MEDAG: variants seen among roughly 807,000 people sequenced by gnomAD.
MEDAG encodes mesenteric estrogen-dependent adipogenesis protein.
A neutral mutation model predicts 29.9 loss-of-function variants in MEDAG; 25 were observed. The observed-to-expected ratio is 0.84, with a 90% CI of 0.61 to 1.17. MEDAG has a LOEUF of 1.17. Among genes scored for constraint, MEDAG ranks in the 50% most tolerant of loss-of-function variants. MEDAG has a pLI of 0.00. For missense variants in MEDAG, 398 were observed against 372.9 expected, an observed-to-expected ratio of 1.07 and a Z score of -0.56; for synonymous variants, 158 against 148.2, an observed-to-expected ratio of 1.07 and a Z score of -0.48.
In MEDAG at chr13:30,906,304, C is replaced by A. The variant is rs1952827431; in HGVS notation, c.-212C>A. ...CGCGCGGTGCCTGCAGGGCTCCCAG[C>A]GAGTGGCAGCTTGGGAGGGGCCGCC... On this transcript the variant is annotated 5_prime_UTR_variant, in exon 1 of 5. Coordinates refer to ENST00000380482, the MANE Select transcript of MEDAG (RefSeq NM_032849.4). 2 of 420,768 alleles carry A rather than the reference C, an allele frequency of 4.8e-6. No individual in the cohort carries two copies. Among genetic ancestry groups the A allele is most frequent in the Non-Finnish European group, 8.2e-6 (2 of 244,552 alleles). 26.1% of individuals were successfully genotyped at this position (420,768 alleles called of 1,614,324 possible). A position where few individuals can be genotyped will look rare whatever the true frequency, so the allele number is the denominator to read the frequency against.
At position 30,924,511 on chromosome 13, in the gene MEDAG, GTGGGAGGCAGATACTTCCACC is replaced by G; in HGVS notation, c.*79_*99del. 6.9e-7 allele frequency: 1 copy of G among 1,457,030 alleles called. No homozygotes were observed. Among genetic ancestry groups the G allele is most frequent in the Non-Finnish European group, 9.2e-7 (1 of 1,082,896 alleles). The allele number at this position is 1,457,030 out of a possible 1,614,324, so 90.3% of individuals were successfully genotyped here. On this transcript the variant is annotated 3_prime_UTR_variant, in exon 5 of 5. Transcript: ENST00000380482. Reference sequence around the variant, plus strand: ...CTATAGGCTGGGGGGAGGGTAGGAGGTGGGAGGCAGATACTTCCACCTGCGTGTCAATCTCCGGCTCCTCCA... The same window carrying G: ...CTATAGGCTGGGGGGAGGGTAGGAGGTGCGTGTCAATCTCCGGCTCCTCCA...
intron 2 of MEDAG, among the ~76,000 whole-genome samples, chr13:30,920,087 G>C (rs1461537515): frequency 6.6e-6 from 1 of 152,146 alleles, no homozygotes; most frequent in Admixed American, 6.5e-5. Flanking sequence ...GTAGCAGCAG[G>C]GAGAAGAATC....
At chr13:30,917,329 C>A (rs1952938531) in intron 1 of MEDAG, 74 bp from the exon 2 acceptor site, 2 of 891,258 alleles carry the variant, frequency 2.2e-6, no homozygotes, top group Non-Finnish European at 3.8e-6. Flanking sequence ...TGGCAGATAC[C>A]TGTCCAGTAC....
intron 4 of MEDAG, 38 bp downstream of exon 4, chr13:30,921,884 T>C: frequency 3.2e-6 from 5 of 1,545,490 alleles, no homozygotes; most frequent in Non-Finnish European, 4.3e-6. Flanking sequence ...GGAAGGTAGT[T>C]AAATAAAAGG....
intron 1 of MEDAG, among the ~76,000 whole-genome samples, chr13:30,917,106 T>A (rs1374409031): frequency 6.6e-6 from 1 of 152,214 alleles, no homozygotes; most frequent in African/African-American, 2.4e-5. Context: ...TAGCTTCAAA[T>A]GAACGCTTTT....
At chr13:30,914,589 ATACAT>A (rs1175042630) in intron 1 of MEDAG, among the ~76,000 whole-genome samples, 2 of 151,934 alleles carry the variant, frequency 1.3e-5, no homozygotes, top group African/African-American at 4.8e-5. Flanking sequence ...TGTGTAGGTC[ATACAT>A]TACACTCAAC....
intron 4 of MEDAG, among the ~76,000 whole-genome samples, chr13:30,923,500 C>T (rs554537105): frequency 2.6e-5 from 4 of 152,262 alleles, no homozygotes; most frequent in African/African-American, 9.6e-5. Flanking sequence ...CTGTTCATCT[C>T]TTCCCATGTT....
At chr13:30,914,631 T>C (rs1483557504) in intron 1 of MEDAG, among the ~76,000 whole-genome samples, 2 of 152,226 alleles carry the variant, frequency 1.3e-5, no homozygotes, top group East Asian at 1.9e-4. Flanking sequence ...GGCTTCCTTC[T>C]GTGACCATGC....
At chr13:30,913,615 T>C (rs1335585958) in intron 1 of MEDAG, among the ~76,000 whole-genome samples, 1 of 152,168 alleles carries the variant, frequency 6.6e-6, no homozygotes, top group Non-Finnish European at 1.5e-5. Flanking sequence ...GGTAAAGCAA[T>C]GAAGAAATGA....
chr13:30,917,450 C>A lies in MEDAG; in HGVS notation c.326C>A (p.Thr109Asn), dbSNP rs150419121. ...TGTGATTATAAAGACTACAGGGAAACTATATTGAGCAAACCAATGTTGTTC... is the reference window on the plus strand; with the variant it reads ...TGTGATTATAAAGACTACAGGGAAAATATATTGAGCAAACCAATGTTGTTC... Reference protein sequence around the residue: ...NYCDYKDYRETILSKPMLFFI... With the variant: ...NYCDYKDYRENILSKPMLFFI... Residue 109 changes from threonine (T) to asparagine (N), a missense_variant, in exon 2 of 5, where the codon ACT becomes AAT. Coordinates refer to ENST00000380482, the MANE Select transcript of MEDAG (RefSeq NM_032849.4). 4 of 1,611,858 alleles carry A rather than the reference C, an allele frequency of 2.5e-6. No homozygotes were observed. In the Admixed American group the frequency reaches 5.0e-5, roughly 20 times the overall value.
At chr13:30,916,934 A>G (rs1354465345) in intron 1 of MEDAG, among the ~76,000 whole-genome samples, 1 of 152,210 alleles carries the variant, frequency 6.6e-6, no homozygotes, top group African/African-American at 2.4e-5. Flanking sequence ...TCTGTAATCT[A>G]TGGAGGGGGC....
chr13:30,909,866 C>T (rs1593503462), intron 1 of MEDAG, among the ~76,000 whole-genome samples: 1 of 152,010 alleles, frequency 6.6e-6, no homozygotes, highest in African/African-American at 2.4e-5. Context: ...TTTTAGCAGC[C>T]CTACTTAGGT....
chr13:30,919,075 T>C (rs1339437651), intron 2 of MEDAG, among the ~76,000 whole-genome samples: 1 of 152,234 alleles, frequency 6.6e-6, no homozygotes, highest in Non-Finnish European at 1.5e-5. Flanking sequence ...ATAGAATGTA[T>C]GAAGTTGTCG....
chr13:30,921,850 T>C lies in MEDAG; in HGVS notation c.787+4T>C. The stretch of plus-strand genomic sequence containing the variant: ...AAGTTCAGTGTAACTTCCAGAGGTA[T>C]GTTAAAAATTCCGAAGGATATGTGG... On this transcript the variant is annotated splice_donor_region_variant and intron_variant, in intron 4 of 4. Transcript: ENST00000380482. 7 of 1,586,282 alleles carry C rather than the reference T, an allele frequency of 4.4e-6. No individual in the cohort carries two copies. Among genetic ancestry groups the C allele is most frequent in the Non-Finnish European group, 5.1e-6 (6 of 1,170,172 alleles).
Position 30,917,493 on chromosome 13 carries a change from C to A in MEDAG, c.369C>A (p.Thr123=). 1.3e-6 allele frequency: 2 copies of A among 1,588,614 alleles called. No individual in the cohort carries two copies. The highest frequency in any genetic ancestry group is 1.7e-6 in the Non-Finnish European group (2 of 1,157,990). Residue 123 remains threonine, a synonymous_variant, in exon 2 of 5, where the codon ACC becomes ACA. Coordinates refer to ENST00000380482, the MANE Select transcript of MEDAG (RefSeq NM_032849.4). ...TGTTGTTCTTTATTAATGTACAGAC[C>A]AAAAAAGACACCTCAAAAGGTAAGT... ...KPMLFFINVQ[T]KKDTSKERTY...
rs147606667 is a variant in MEDAG at position 30,921,119 on chromosome 13, G to A, written c.494G>A (p.Arg165Gln). ...TCCTCAGTGATTGGAGAAAGTTACC[G>A]GCTTCAGGTAAGCCTAGCCTGTCTG... ...VISSVIGESY[R>Q]LQFDFQEAVK... is the part of the protein sequence containing the mutation. The change falls in exon 3 of 5, where the codon CGG becomes CAG. Residue 165 changes from arginine to glutamine, a missense_variant. Arg to Gln is a conservative substitution (Grantham distance 43). Transcript: ENST00000380482. The A allele has an allele frequency of 1.4e-5, 22 of 1,612,712 alleles. 1 individual carries two copies. The highest frequency in any genetic ancestry group is 3.3e-4 in the Middle Eastern group (2 of 6,084).
intron 1 of MEDAG, among the ~76,000 whole-genome samples, chr13:30,912,560 A>T (rs1324875034): frequency 6.6e-6 from 1 of 152,054 alleles, no homozygotes. Flanking sequence ...GCCATGAAGG[A>T]TTTGAATTCC....
intron 4 of MEDAG, among the ~76,000 whole-genome samples, chr13:30,923,461 C>G (rs2138130244): frequency 6.6e-6 from 1 of 152,148 alleles, no homozygotes; most frequent in East Asian, 1.9e-4. Context: ...CTCTCTCTTT[C>G]CCCTCTCTTT....
chr13:30,915,766 G>T (rs1180062786), intron 1 of MEDAG, among the ~76,000 whole-genome samples: 1 of 152,056 alleles, frequency 6.6e-6, no homozygotes, highest in African/African-American at 2.4e-5. Context: ...AAAGCCATGT[G>T]TGGGTCTGCA....
Sources: gnomAD v4.1 joint callset for allele counts (sites outside exome capture counted in the v4.1 genomes callset) on GRCh38, gnomAD v4.1.1 for gene constraint, MANE v1.5 for transcripts, NCBI Gene and HGNC (gene_info 2026-07-23, HGNC 2026-07-21) for gene names.